Variants in CRISPLD2 observed in about 807,000 individuals in gnomAD.
The protein encoded by CRISPLD2 is cysteine-rich secretory protein LCCL domain-containing 2.
Under a neutral mutation model 71.1 loss-of-function variants are expected in CRISPLD2, and 47 were observed. The observed-to-expected ratio is 0.66, with a 90% CI of 0.52 to 0.84. The LOEUF (loss-of-function observed/expected upper bound fraction) is 0.84, where lower values mean the gene tolerates loss of function less well. CRISPLD2 is among the 40% of genes least tolerant of loss of function. CRISPLD2 has a pLI of 0.00. For synonymous variants in CRISPLD2, 317 were observed against 250.1 expected, an observed-to-expected ratio of 1.27 and a Z score of -2.52; for missense variants, 830 against 651.1, an observed-to-expected ratio of 1.27 and a Z score of -2.99.
Position 84,906,571 on chromosome 16 carries a change from TTTC to T in CRISPLD2, c.1440-11_1440-9del. 3.1e-6 allele frequency: 5 copies of T among 1,611,974 alleles called. No homozygotes were observed. The highest frequency in any genetic ancestry group is 3.4e-6 in the Non-Finnish European group (4 of 1,179,810). ...CCAGATCTCTCAGTAACGGGCCCTC[TTTC>T]TTCTTTTTTTCAGCCTGGGGACTCC... On this transcript the variant is annotated splice_polypyrimidine_tract_variant and intron_variant, in intron 14 of 14. Coordinates refer to ENST00000262424, the MANE Select transcript of CRISPLD2 (RefSeq NM_031476.4).
intron 1 of CRISPLD2, among the ~76,000 whole-genome samples, chr16:84,826,503 C>G (rs890667486): frequency 2.6e-5 from 4 of 152,232 alleles, no homozygotes; most frequent in African/African-American, 9.6e-5. Flanking sequence ...GCTGTTTCCT[C>G]AAGGGCATTG....
chr16:84,844,901 G>A (rs1223221476), intron 2 of CRISPLD2, among the ~76,000 whole-genome samples: 1 of 152,156 alleles, frequency 6.6e-6, no homozygotes, highest in Non-Finnish European at 1.5e-5. Flanking sequence ...CACAGTGAGG[G>A]CCATGGACAT....
At chr16:84,848,014 C>G (rs1386408257) in intron 3 of CRISPLD2, among the ~76,000 whole-genome samples, 1 of 152,194 alleles carries the variant, frequency 6.6e-6, no homozygotes, top group African/African-American at 2.4e-5. Context: ...TAGGATTACT[C>G]CTGAGAAGTA....
Position 84,873,104 on chromosome 16 carries a change from A to G in CRISPLD2, c.1094A>G (p.His365Arg). The stretch of plus-strand genomic sequence containing the variant: ...CCCTTCTTCGTGAAGTCTGAGAGAC[A>G]CGGCGTGCAGTCCCTCAGGTAACTA... The part of the protein sequence containing the change: ...KVPFFVKSER[H>R]GVQSLSKYKP... Residue 365 changes from histidine to arginine, a missense_variant, in exon 10 of 15, where the codon CAC becomes CGC. By Grantham distance (29) the His-to-Arg change is conservative. Coordinates refer to ENST00000262424, the MANE Select transcript of CRISPLD2 (RefSeq NM_031476.4). 6.2e-7 allele frequency: 1 copy of G among 1,613,832 alleles called. No homozygotes were observed. The highest frequency in any genetic ancestry group is 8.5e-7 in the Non-Finnish European group (1 of 1,179,876).
chr16:84,870,908 A>G (rs556497355), intron 8 of CRISPLD2, among the ~76,000 whole-genome samples: 1 of 151,744 alleles, frequency 6.6e-6, no homozygotes, highest in Non-Finnish European at 1.5e-5. Context: ...AAATACAAAA[A>G]TTAGCTGGAC....
chr16:84,882,979 G>A (rs887315030), intron 13 of CRISPLD2, among the ~76,000 whole-genome samples: 20 of 152,320 alleles, frequency 1.3e-4, no homozygotes, highest in African/African-American at 4.8e-4. Flanking sequence ...AAAAAGCTAT[G>A]TGCAGTCTTC....
intron 13 of CRISPLD2, among the ~76,000 whole-genome samples, chr16:84,884,224 G>T (rs909314227): frequency 6.6e-6 from 1 of 152,152 alleles, no homozygotes; most frequent in Non-Finnish European, 1.5e-5. Flanking sequence ...TGCTGGCTCC[G>T]GGTGGCAGTC....
chr16:84,890,242 C>G (rs985089114), intron 14 of CRISPLD2, among the ~76,000 whole-genome samples: 1 of 152,160 alleles, frequency 6.6e-6, no homozygotes, highest in African/African-American at 2.4e-5. Flanking sequence ...GCCTGTAGTC[C>G]CAGCTACCCG....
At chr16:84,861,674 A>G (rs1031302901) in intron 6 of CRISPLD2, among the ~76,000 whole-genome samples, 2 of 152,162 alleles carry the variant, frequency 1.3e-5, no homozygotes, top group African/African-American at 4.8e-5. Flanking sequence ...GCATTCTTCA[A>G]TCCAGTCAAG....
At position 84,906,509 on chromosome 16, in the gene CRISPLD2, G is replaced by T. The variant is rs762684053; in HGVS notation, c.1440-79G>T. 2.1e-4 allele frequency: 317 copies of T among 1,495,980 alleles called. 1 individual carries two copies. The highest frequency in any genetic ancestry group is 2.8e-4 in the Non-Finnish European group (305 of 1,085,014). 92.7% of individuals were successfully genotyped at this position (1,495,980 alleles called of 1,614,324 possible). A position where few individuals can be genotyped will look rare whatever the true frequency, so the allele number is the denominator to read the frequency against. ...ACGGGAGCAAGCAGGAGGCACCCAG[G>T]TCTCCCTGCCCACCCAGAGTCCCTG... On this transcript the variant is annotated intron_variant, in intron 14 of 14. Coordinates refer to ENST00000262424, the MANE Select transcript of CRISPLD2 (RefSeq NM_031476.4).
intron 6 of CRISPLD2, among the ~76,000 whole-genome samples, chr16:84,865,667 T>C (rs1597466143): frequency 6.6e-6 from 1 of 152,158 alleles, no homozygotes; most frequent in African/African-American, 2.4e-5. Flanking sequence ...CCAGCAGATA[T>C]GCTCGTGAAT....
intron 5 of CRISPLD2, among the ~76,000 whole-genome samples, chr16:84,853,926 G>C (rs8048474): frequency 4.6e-5 from 7 of 152,336 alleles, no homozygotes; most frequent in African/African-American, 1.7e-4. Flanking sequence ...GCTCTTCACA[G>C]CCCAGGAGCC....
At chr16:84,878,136 A>G (rs1462387429) in intron 12 of CRISPLD2, among the ~76,000 whole-genome samples, 2 of 151,922 alleles carry the variant, frequency 1.3e-5, no homozygotes, top group African/African-American at 4.8e-5. Flanking sequence ...AGGCGGGAGA[A>G]TGGCGTGAAC....
rs1267889252 is a variant in CRISPLD2, at chr16:84,901,463, C to T, written c.1440-5125C>T. ...TTTGATGTGGAAAGAACACTCCTGG[C>T]TGCACTTTTTTTTTTTTTTTTTTTT... On this transcript the variant is annotated intron_variant, in intron 14 of 14. Transcript: ENST00000262424. Among the ~76,000 whole-genome samples, 3 of 143,934 alleles carry T rather than the reference C, an allele frequency of 2.1e-5. No homozygotes were observed. In the East Asian group the frequency reaches 6.2e-4, roughly 30 times the overall value. 94.4% of individuals were successfully genotyped at this position (143,934 alleles called of 152,430 possible). A position where few individuals can be genotyped will look rare whatever the true frequency, so the allele number is the denominator to read the frequency against.
At chr16:84,893,145 C>T (rs2071677501) in intron 14 of CRISPLD2, among the ~76,000 whole-genome samples, 3 of 152,104 alleles carry the variant, frequency 2.0e-5, no homozygotes, top group South Asian at 2.1e-4. Context: ...GCGCCCGCTG[C>T]ACTGGGGACA....
At position 84,909,233 on chromosome 16, in the gene CRISPLD2, G is replaced by A. The variant is rs1468411165; in HGVS notation, c.*2591G>A. The A allele has an allele frequency of 1.3e-5, 2 of 152,522 alleles. No individual in the cohort carries two copies. The highest frequency in any genetic ancestry group is 4.8e-5 in the African/African-American group (2 of 41,418). The allele number at this position is 152,522 out of a possible 1,614,324, so 9.4% of individuals were successfully genotyped here. On this transcript the variant is annotated 3_prime_UTR_variant, in exon 15 of 15. Coordinates refer to ENST00000262424, the MANE Select transcript of CRISPLD2 (RefSeq NM_031476.4). ...CATTTTCGGCTTCCTTAGGAGTTTT[G>A]CCCTACCGTATTCCAAAGCGTGTGC...
At chr16:84,838,963 C>G in intron 2 of CRISPLD2, 1 of 690,924 alleles carries the variant, frequency 1.4e-6, no homozygotes, top group Non-Finnish European at 2.6e-6. Context: ...ATCGTCATGC[C>G]CTGAAACCTT....
At chr16:84,870,164 C>T (rs1019929684) in intron 8 of CRISPLD2, among the ~76,000 whole-genome samples, 3 of 152,002 alleles carry the variant, frequency 2.0e-5, no homozygotes, top group Admixed American at 2.0e-4. Context: ...GGCATCTATG[C>T]TCATTAATAA....
At chr16:84,856,901 G>A (rs775389977) in intron 6 of CRISPLD2, among the ~76,000 whole-genome samples, 5 of 152,220 alleles carry the variant, frequency 3.3e-5, no homozygotes, top group Admixed American at 6.5e-5. Context: ...TATGACGGTG[G>A]ATATGGCATT....
Sources: allele counts gnomAD v4.1 joint callset (sites outside exome capture counted in the v4.1 genomes callset), GRCh38; gene constraint gnomAD v4.1.1; transcripts MANE v1.5; gene names NCBI Gene and HGNC (gene_info 2026-07-23, HGNC 2026-07-21).